Variants in TMEM266 observed in about 807,000 individuals in gnomAD.
The protein encoded by TMEM266 is Hv1 related protein 1.
In TMEM266, 33 loss-of-function variants were observed where a neutral mutation model predicts 50.5. The observed-to-expected ratio is 0.65, with a 90% confidence interval of 0.50 to 0.87. TMEM266 has a LOEUF of 0.87. Among genes scored for constraint, TMEM266 ranks in the 40% least tolerant of loss-of-function variants. TMEM266 has a pLI of 0.00. For missense variants in TMEM266, 655 were observed against 695.1 expected, an observed-to-expected ratio of 0.94 and a Z score of 0.65; for synonymous variants, 310 against 292.3, an observed-to-expected ratio of 1.06 and a Z score of -0.62.
intron 1 of TMEM266, among the ~76,000 whole-genome samples, chr15:76,104,550 G>A (rs1456114448): frequency 1.3e-5 from 2 of 152,202 alleles, no homozygotes; most frequent in African/African-American, 4.8e-5. Context: ...CCGGCGCGGT[G>A]GCTCACGCCT....
intron 9 of TMEM266, among the ~76,000 whole-genome samples, chr15:76,200,790 T>C (rs2142091236): frequency 6.6e-6 from 1 of 152,302 alleles, no homozygotes; most frequent in East Asian, 1.9e-4. Context: ...AGAGTGTAGC[T>C]GGCTGATGAG....
At chr15:76,081,304 T>C (rs576598396) in intron 1 of TMEM266, among the ~76,000 whole-genome samples, 29 of 152,366 alleles carry the variant, frequency 1.9e-4, no homozygotes, top group African/African-American at 7.0e-4. Flanking sequence ...TTTCTTATCC[T>C]TCCGTTTCCA....
intron 9 of TMEM266, among the ~76,000 whole-genome samples, chr15:76,195,734 T>G (rs1465817579): frequency 6.6e-6 from 1 of 152,224 alleles, no homozygotes; most frequent in Non-Finnish European, 1.5e-5. Context: ...CCTCTGTCTC[T>G]CTCATCAGGG....
intron 1 of TMEM266, among the ~76,000 whole-genome samples, chr15:76,111,858 C>G (rs1302301312): frequency 6.6e-6 from 1 of 152,182 alleles, no homozygotes; most frequent in Non-Finnish European, 1.5e-5. Flanking sequence ...TTCATAATTG[C>G]CAAACACTGG....
chr15:76,081,840 G>T (rs2036699165), intron 1 of TMEM266, among the ~76,000 whole-genome samples: 1 of 152,206 alleles, frequency 6.6e-6, no homozygotes, highest in Non-Finnish European at 1.5e-5. Flanking sequence ...CTATCTGATG[G>T]CATTATGCAG....
At position 76,082,846 on chromosome 15, in the gene TMEM266, G is replaced by A. The variant is rs192055255; in HGVS notation, c.-97+22830G>A. Among the ~76,000 whole-genome samples the A allele has an allele frequency of 1.4e-3, 219 of 152,278 alleles. 1 individual carries two copies. Among genetic ancestry groups the A allele is most frequent in the Non-Finnish European group, 1.5e-3 (102 of 68,030 alleles). On this transcript the variant is annotated intron_variant, in intron 1 of 10. Transcript: ENST00000388942. ...TAGCTAGGCGTGGTGGCCAGCGCCT[G>A]TAATCCCAGTTATTCAGGAGGCTGA...
At chr15:76,063,283 T>C (rs75203718) in intron 1 of TMEM266, among the ~76,000 whole-genome samples, 48 of 152,310 alleles carry the variant, frequency 3.2e-4, no homozygotes, top group African/African-American at 1.1e-3. Context: ...GCCCAAGGTA[T>C]ATGACCTAAG....
chr15:76,126,266 C>G (rs967373404), intron 1 of TMEM266, among the ~76,000 whole-genome samples: 1 of 151,354 alleles, frequency 6.6e-6, no homozygotes, highest in African/African-American at 2.4e-5. Flanking sequence ...GATATCTGCA[C>G]TCTTACATTT....
chr15:76,143,065 G>A (rs547216211), intron 3 of TMEM266, among the ~76,000 whole-genome samples: 46 of 152,270 alleles, frequency 3.0e-4, no homozygotes, highest in African/African-American at 1.1e-3. Context: ...AGGCACAGTC[G>A]TGGATGGGCT....
chr15:76,144,414 A>G (rs1183010978), intron 3 of TMEM266, among the ~76,000 whole-genome samples: 1 of 152,076 alleles, frequency 6.6e-6, no homozygotes, highest in Non-Finnish European at 1.5e-5. Context: ...CCTCCTGACC[A>G]TGTCCAGTGC....
Position 76,192,024 on chromosome 15 carries a change from C to A in TMEM266, c.825C>A (p.Ala275=), listed in dbSNP as rs202140844. 871 of 1,571,852 alleles carry A rather than the reference C, an allele frequency of 5.5e-4. 3 individuals carry two copies. The African/African-American group carries it at 0.011, about 19-fold the overall frequency. Residue 275 remains alanine, a synonymous_variant, in exon 9 of 11, where the codon GCC becomes GCA. Transcript: ENST00000388942. ...LAAEREAALQ[A]PHVLSQPRSR... is the part of the protein sequence containing the mutation. The stretch of plus-strand genomic sequence containing the variant: ...CGCAGCAGGACCTGGACCTGGCTGC[C>A]GAGCGCGAAGCGGCGCTCCAGGCCC...
chr15:76,161,450 G>C lies in TMEM266; in HGVS notation c.456+1282G>C, dbSNP rs575191675. Among the ~76,000 whole-genome samples the C allele has an allele frequency of 1.3e-5, 2 of 149,776 alleles. No individual in the cohort carries two copies. The highest frequency in any genetic ancestry group is 3.9e-4 in the East Asian group (2 of 5,172). Reference sequence around the variant, plus strand: ...CCTCCTGTGTGTCCCCTCTGGCCTAGCTAATGGCTCTGCTCTCTCTCTCTC... The same window carrying C: ...CCTCCTGTGTGTCCCCTCTGGCCTACCTAATGGCTCTGCTCTCTCTCTCTC... On this transcript the variant is annotated intron_variant, in intron 5 of 10. Transcript: ENST00000388942. The surrounding 1 kb of genome is among the most constrained non-coding windows in gnomAD (Gnocchi z 4.1).
rs541710365 is a variant in TMEM266, at chr15:76,134,191, G to A, written c.-73G>A. 15 of 1,544,172 alleles carry A rather than the reference G, an allele frequency of 9.7e-6. No homozygotes were observed. In the South Asian group the frequency reaches 1.5e-4, roughly 15 times the overall value. On this transcript the variant is annotated 5_prime_UTR_variant, in exon 2 of 11. Coordinates refer to ENST00000388942, the MANE Select transcript of TMEM266 (RefSeq NM_152335.3). ...AGGGCACTATATTTGTATGTGTCTTGTAGAACCCACGCTTGGAAATGCTGA... is the reference window on the plus strand; with the variant it reads ...AGGGCACTATATTTGTATGTGTCTTATAGAACCCACGCTTGGAAATGCTGA...
At chr15:76,071,735 T>C (rs2036542448) in intron 1 of TMEM266, among the ~76,000 whole-genome samples, 1 of 151,938 alleles carries the variant, frequency 6.6e-6, no homozygotes, top group Admixed American at 6.6e-5. Flanking sequence ...CCCAGACCCC[T>C]CACTGACCCC....
chr15:76,175,488 C>A, intron 7 of TMEM266, 71 bp from the exon 8 acceptor site: 1 of 1,229,604 alleles, frequency 8.1e-7, no homozygotes, highest in Non-Finnish European at 1.2e-6. Context: ...TGCCTGAATG[C>A]TGGGCCCGCC....
chr15:76,138,214 C>T (rs950641510), intron 3 of TMEM266, among the ~76,000 whole-genome samples: 22 of 93,108 alleles, frequency 2.4e-4, no homozygotes, highest in African/African-American at 9.0e-4. Context: ...AAGAGTAAAA[C>T]TCTGTCTCAA....
At chr15:76,143,234 C>T (rs981104307) in intron 3 of TMEM266, among the ~76,000 whole-genome samples, 3 of 152,190 alleles carry the variant, frequency 2.0e-5, no homozygotes, top group Admixed American at 6.5e-5. Context: ...CCTGACTCCA[C>T]GTCCCTGCTA....
chr15:76,072,077 T>G (rs920877144), intron 1 of TMEM266, among the ~76,000 whole-genome samples: 9 of 152,112 alleles, frequency 5.9e-5, no homozygotes, highest in African/African-American at 2.2e-4. Flanking sequence ...TATTTCCAGT[T>G]GTAACCACAT....
chr15:76,127,395 T>C (rs908290850), intron 1 of TMEM266, among the ~76,000 whole-genome samples: 1 of 150,858 alleles, frequency 6.6e-6, no homozygotes, highest in African/African-American at 2.4e-5. Context: ...GGCTCAATCA[T>C]AGCTCACTGC....
Sources: gnomAD v4.1 joint callset for allele counts (sites outside exome capture counted in the v4.1 genomes callset) on GRCh38, gnomAD v4.1.1 for gene constraint, Gnocchi (gnomAD v3.1) non-coding constraint, MANE v1.5 for transcripts, NCBI Gene and HGNC (gene_info 2026-07-23, HGNC 2026-07-21) for gene names.